The following SMYD3 variants were observed in gnomAD, a reference collection of about 807,000 sequenced individuals.
SMYD3 encodes the protein histone-lysine N-methyltransferase SMYD3.
In SMYD3, 36 loss-of-function variants were observed where a neutral mutation model predicts 57.7. That is an observed-to-expected ratio of 0.62 (90% CI 0.48 to 0.82). The LOEUF (loss-of-function observed/expected upper bound fraction) is 0.82. SMYD3 is among the 40% of genes least tolerant of loss of function. The pLI, the probability that SMYD3 is intolerant of heterozygous loss-of-function variation, is 0.00. For synonymous variants in SMYD3, 211 were observed against 195.0 expected, an observed-to-expected ratio of 1.08 and a Z score of -0.68; for missense variants, 515 against 538.8, an observed-to-expected ratio of 0.96 and a Z score of 0.44.
At chr1:246,326,503 G>T (rs2065352739) in intron 5 of SMYD3, 1 of 565,828 alleles carries the variant, frequency 1.8e-6, no homozygotes, top group Admixed American at 3.4e-5. Flanking sequence ...GCCGGGCGTG[G>T]CAGTTCGCGC....
intron 5 of SMYD3, among the ~76,000 whole-genome samples, chr1:246,321,033 T>C (rs1190723796): frequency 3.3e-5 from 5 of 152,254 alleles, no homozygotes; most frequent in Admixed American, 6.5e-5. Context: ...TCTAAGAATG[T>C]TGGCAACAGT....
intron 8 of SMYD3, among the ~76,000 whole-genome samples, chr1:245,911,734 A>G (rs1431095134): frequency 1.3e-5 from 2 of 152,064 alleles, no homozygotes; most frequent in Non-Finnish European, 2.9e-5. Context: ...GGCTGGAAAG[A>G]GTAGTAGGTA....
intron 5 of SMYD3, among the ~76,000 whole-genome samples, chr1:246,124,376 A>C (rs1035917417): frequency 4.6e-5 from 7 of 152,226 alleles, no homozygotes; most frequent in Non-Finnish European, 7.3e-5. Flanking sequence ...AAGAAAAGTT[A>C]CTTCCAGCAA....
At chr1:246,167,390 G>A (rs1394967336) in intron 5 of SMYD3, among the ~76,000 whole-genome samples, 1 of 152,136 alleles carries the variant, frequency 6.6e-6, no homozygotes, top group Non-Finnish European at 1.5e-5. Flanking sequence ...GCAATGTACA[G>A]GGTTCCAGTT....
chr1:245,808,287 T>C (rs1173569847), intron 10 of SMYD3, among the ~76,000 whole-genome samples: 1 of 152,190 alleles, frequency 6.6e-6, no homozygotes, highest in African/African-American at 2.4e-5. Context: ...AATATGGGCA[T>C]GCATACCCCC....
chr1:246,346,800 A>T (rs1157695626), intron 2 of SMYD3, among the ~76,000 whole-genome samples: 2 of 152,218 alleles, frequency 1.3e-5, no homozygotes, highest in African/African-American at 2.4e-5. Flanking sequence ...ACATACTAAA[A>T]GGCAAAAAAA....
chr1:245,955,169 G>GCCC (rs962652106), intron 5 of SMYD3, among the ~76,000 whole-genome samples: 49 of 152,278 alleles, frequency 3.2e-4, no homozygotes, highest in African/African-American at 1.2e-3. Flanking sequence ...TCAGCTCACT[G>GCCC]CAAGTTCCGC....
intron 7 of SMYD3, among the ~76,000 whole-genome samples, chr1:245,921,050 C>T (rs2055886701): frequency 6.6e-6 from 1 of 152,150 alleles, no homozygotes; most frequent in Admixed American, 6.6e-5. Flanking sequence ...TGACAAAGGT[C>T]TAATACCCAG....
At position 246,007,091 on chromosome 1, in the gene SMYD3, C is replaced by G. The variant is rs78254274; in HGVS notation, c.532-77154G>C. 3.3e-3 allele frequency among the ~76,000 whole-genome samples: 497 copies of G among 152,306 alleles called. 2 individuals are homozygous for G. The highest frequency in any genetic ancestry group is 0.011 in the African/African-American group (468 of 41,570). On this transcript the variant is annotated intron_variant, in intron 5 of 11. Transcript: ENST00000490107. ...AGCTGAGGACAGAAAGTGATCAACT[C>G]CCCACATTCTAAAGAGGCTGCTGGA...
intron 10 of SMYD3, among the ~76,000 whole-genome samples, chr1:245,789,106 G>A (rs2047164720): frequency 6.6e-6 from 1 of 152,192 alleles, no homozygotes. Flanking sequence ...AGTCCCGGAT[G>A]CTTGCGGATG....
intron 1 of SMYD3, among the ~76,000 whole-genome samples, chr1:246,474,873 G>T (rs2068007654): frequency 1.3e-5 from 2 of 152,142 alleles, no homozygotes; most frequent in Admixed American, 1.3e-4. Context: ...GGAAGGGGAA[G>T]GCTTTGAGCC....
chr1:245,881,201 T>C (rs2052761229), intron 8 of SMYD3, among the ~76,000 whole-genome samples: 1 of 152,220 alleles, frequency 6.6e-6, no homozygotes, highest in Admixed American at 6.5e-5. Context: ...AAGTCTGGTT[T>C]CATCAACTCT....
intron 1 of SMYD3, among the ~76,000 whole-genome samples, chr1:246,405,750 T>G (rs1461033495): frequency 6.6e-6 from 1 of 151,252 alleles, no homozygotes; most frequent in Non-Finnish European, 1.5e-5. Flanking sequence ...CTACTAAAAA[T>G]ACAAAAAAAA....
chr1:246,099,446 G>A (rs573579019), intron 5 of SMYD3, among the ~76,000 whole-genome samples: 48 of 152,094 alleles, frequency 3.2e-4, no homozygotes, highest in African/African-American at 1.1e-3. Context: ...CCAATATCCC[G>A]AACAATCAAG....
intron 2 of SMYD3, among the ~76,000 whole-genome samples, chr1:246,340,703 A>G (rs907369434): frequency 2.0e-4 from 30 of 152,308 alleles, no homozygotes; most frequent in African/African-American, 6.3e-4. Context: ...ACACAGAAAT[A>G]TTATTCATAA....
chr1:245,926,545 G>A (rs977576481), intron 7 of SMYD3, among the ~76,000 whole-genome samples: 1 of 152,166 alleles, frequency 6.6e-6, no homozygotes, highest in Admixed American at 6.5e-5. Flanking sequence ...TGTTGCTCCA[G>A]AGATGGAAAG....
At chr1:245,798,785 AC>A (rs1176067217) in intron 10 of SMYD3, among the ~76,000 whole-genome samples, 1 of 151,788 alleles carries the variant, frequency 6.6e-6, no homozygotes, top group Non-Finnish European at 1.5e-5. Context: ...TCTTCAGATC[AC>A]CCTTCTGGCC....
chr1:245,959,400 G>T (rs2057942321), intron 5 of SMYD3, among the ~76,000 whole-genome samples: 1 of 152,232 alleles, frequency 6.6e-6, no homozygotes, highest in Admixed American at 6.5e-5. Context: ...AGACAGGATG[G>T]CACAACAGTA....
intron 1 of SMYD3, among the ~76,000 whole-genome samples, chr1:246,422,435 A>AT (rs2067157622): frequency 1.3e-5 from 2 of 151,006 alleles, no homozygotes; most frequent in Admixed American, 6.6e-5. Flanking sequence ...TTTTTAATTT[A>AT]TTTTTTTGAG....
Sources: allele counts gnomAD v4.1 joint callset (sites outside exome capture counted in the v4.1 genomes callset), GRCh38; gene constraint gnomAD v4.1.1; transcripts MANE v1.5; gene names NCBI Gene and HGNC (gene_info 2026-07-23, HGNC 2026-07-21).